DNMT3L: variants seen among roughly 807,000 people sequenced by gnomAD.
DNMT3L encodes the protein DNA methyltransferase 3 like.
DNMT3L carries 33 observed loss-of-function variants against 36.2 expected under a neutral mutation model. The observed-to-expected ratio is 0.91, with a 90% confidence interval of 0.69 to 1.22. DNMT3L has a LOEUF of 1.22. Ranked by LOEUF, DNMT3L falls within the 50% of genes most tolerant of loss-of-function variation. DNMT3L has a pLI of 0.00. For missense variants in DNMT3L, 310 were observed against 303.1 expected (o/e 1.02, Z -0.17); for synonymous variants, 117 against 121.7 (o/e 0.96, Z 0.26).
intron 1 of DNMT3L, 40 bp from the exon 2 acceptor site, chr21:44,261,306 C>G: frequency 1.3e-6 from 2 of 1,591,306 alleles, no homozygotes; most frequent in Non-Finnish European, 1.7e-6. Flanking sequence ...AGAAAGCCGT[C>G]AGCCCCTGCT....
chr21:44,260,902 C>T, intron 2 of DNMT3L, 63 bp from the exon 3 acceptor site: 1 of 1,610,414 alleles, frequency 6.2e-7, no homozygotes, highest in Non-Finnish European at 8.5e-7. Flanking sequence ...TTAAATTCGG[C>T]CAGGAAGTGA....
intron 6 of DNMT3L, among the ~76,000 whole-genome samples, chr21:44,256,593 T>C (rs2040261328): frequency 6.9e-6 from 1 of 144,260 alleles, no homozygotes; most frequent in Non-Finnish European, 1.5e-5. Flanking sequence ...CCCGGCTAAT[T>C]TTTGTATTTT....
chr21:44,257,805 C>G (rs955648486), intron 6 of DNMT3L, among the ~76,000 whole-genome samples: 5 of 152,220 alleles, frequency 3.3e-5, no homozygotes, highest in Non-Finnish European at 7.3e-5. Flanking sequence ...GAAGGTGTGC[C>G]GGCAGGCGTG....
intron 6 of DNMT3L, 90 bp from the exon 7 acceptor site, chr21:44,256,244 C>G (rs1370766009): frequency 7.4e-7 from 1 of 1,342,770 alleles, no homozygotes; most frequent in Non-Finnish European, 1.1e-6. Context: ...CCTGGATGAA[C>G]ACTCACTCGA....
intron 8 of DNMT3L, among the ~76,000 whole-genome samples, chr21:44,254,382 C>G (rs1186081646): frequency 6.6e-6 from 1 of 152,234 alleles, no homozygotes. Context: ...ACCACCAAAA[C>G]GTGCTGCTCA....
At position 44,258,603 on chromosome 21, in the gene DNMT3L, G is replaced by A; in HGVS notation, c.436C>T (p.Leu146=). The A allele has an allele frequency of 2.5e-6, 4 of 1,612,220 alleles. No individual in the cohort carries two copies. Among genetic ancestry groups the A allele is most frequent in the Middle Eastern group, 3.3e-4 (2 of 6,056 alleles). Residue 146 remains leucine, a synonymous_variant, in exon 6 of 12, where the codon CTG becomes TTG. Transcript: ENST00000628202. This position sits in a 1 kb window ranked among gnomAD's most constrained non-coding sequence, Gnocchi z 6.2. ...AMSNWVCYLC[L]PSSRSGLLQR... ...AGCAGCCCGCTTCGGGAGGACGGCA[G>A]GCACAGGTAGCACACCCAGTTGCTC... is the stretch of plus-strand genomic sequence containing the variant.
At chr21:44,255,466 G>A (rs924125430) in intron 7 of DNMT3L, among the ~76,000 whole-genome samples, 1 of 150,196 alleles carries the variant, frequency 6.7e-6, no homozygotes, top group African/African-American at 2.5e-5. Flanking sequence ...GGTGCAGCGA[G>A]CCGAGATCAA....
At chr21:44,259,031 G>C (rs1276679902) in intron 5 of DNMT3L, among the ~76,000 whole-genome samples, 3 of 152,120 alleles carry the variant, frequency 2.0e-5, no homozygotes, top group South Asian at 4.1e-4. Context: ...AGCTGGGGGA[G>C]AGAACTTGAG....
chr21:44,261,021 G>T (rs1350178717), intron 2 of DNMT3L, 133 bp downstream of exon 2: 41 of 1,364,526 alleles, frequency 3.0e-5, no homozygotes, highest in Non-Finnish European at 4.2e-5. Flanking sequence ...AAGACTGTGG[G>T]TGGGGAACCT....
At chr21:44,253,633 C>T (rs1489098974) in intron 8 of DNMT3L, among the ~76,000 whole-genome samples, 3 of 152,222 alleles carry the variant, frequency 2.0e-5, no homozygotes, top group South Asian at 4.1e-4. Flanking sequence ...GCAGGAGACT[C>T]GCCTGAACCC....
At position 44,261,155 on chromosome 21, in the gene DNMT3L, T is replaced by A; in HGVS notation, c.105A>T (p.Arg35Ser). The A allele has an allele frequency of 3.1e-6, 5 of 1,612,596 alleles. No individual in the cohort carries two copies. The highest frequency in any genetic ancestry group is 4.2e-6 in the Non-Finnish European group (5 of 1,179,838). The change falls in exon 2 of 12, where the codon AGA becomes AGT. Residue 35 changes from arginine to serine, a missense_variant and splice_region_variant. Coordinates refer to ENST00000628202, the MANE Select transcript of DNMT3L (RefSeq NM_175867.3). ...TCCAATAAGCAGATGAGCCCTCACC[T>A]CTGCCTGTCCCGGGTGAAACGGAGC... is the stretch of plus-strand genomic sequence containing the variant. The part of the protein sequence containing the change: ...LSSSVSPGTG[R>S]DLIAYEVKAN...
In DNMT3L at chr21:44,258,559, C is replaced by A. The variant is rs958990963; in HGVS notation, c.480G>T (p.Trp160Cys). The change falls in exon 6 of 12, where the codon TGG becomes TGT. Residue 160 changes from tryptophan (W) to cysteine (C), a missense_variant. Trp to Cys is a radical substitution (Grantham distance 215). Transcript: ENST00000628202. This position sits in a 1 kb window ranked among gnomAD's most constrained non-coding sequence, Gnocchi z 6.2. ...CGTAGAAGGCCTTGAGCTGGCTGCG[C>A]CACTTCCTCCGACGCTGCAGCAGCC... ...RSGLLQRRRK[W>C]RSQLKAFYDR... The A allele has an allele frequency of 1.4e-5, 23 of 1,598,666 alleles. No individual in the cohort carries two copies. The highest frequency in any genetic ancestry group is 1.9e-5 in the Non-Finnish European group (22 of 1,173,228).
Position 44,258,453 on chromosome 21 carries a change from CG to C in DNMT3L, c.516+69del. The C allele has an allele frequency of 6.8e-7, 1 of 1,472,066 alleles. No individual in the cohort carries two copies. Among genetic ancestry groups the C allele is most frequent in the South Asian group, 1.4e-5 (1 of 72,752 alleles). 91.2% of individuals were successfully genotyped at this position (1,472,066 alleles called of 1,614,324 possible). A position where few individuals can be genotyped will look rare whatever the true frequency, so the allele number is the denominator to read the frequency against. On this transcript the variant is annotated intron_variant, in intron 6 of 11. Transcript: ENST00000628202. The surrounding 1 kb of genome is among the most constrained non-coding windows in gnomAD (Gnocchi z 6.2). The stretch of plus-strand genomic sequence containing the variant: ...CCGTCGGCGCGCCTGCATTCTGCAG[CG>C]GGAACCGAGGGAAGGCCGTAAGTCA...
Position 44,258,330 on chromosome 21 carries a change from T to C in DNMT3L, c.516+193A>G, listed in dbSNP as rs1403512547. Among the ~76,000 whole-genome samples, 1 of 152,158 alleles carries C rather than the reference T, an allele frequency of 6.6e-6. No individual in the cohort carries two copies. Among genetic ancestry groups the C allele is most frequent in the Non-Finnish European group, 1.5e-5 (1 of 68,024 alleles). ...TTCCTAGGCTTGGAAGCAACAAAAC[T>C]GCCAAAGCAGTTTACCCAAAGCCAC... On this transcript the variant is annotated intron_variant, in intron 6 of 11. Transcript: ENST00000628202. This position sits in a 1 kb window ranked among gnomAD's most constrained non-coding sequence, Gnocchi z 6.2.
At chr21:44,255,300 C>T (rs1296512658) in intron 7 of DNMT3L, among the ~76,000 whole-genome samples, 2 of 151,966 alleles carry the variant, frequency 1.3e-5, no homozygotes, top group Non-Finnish European at 2.9e-5. Context: ...GCGGATGGAT[C>T]ACCTGAGGTC....
chr21:44,255,210 C>A (rs922299114), intron 7 of DNMT3L, among the ~76,000 whole-genome samples: 1 of 152,064 alleles, frequency 6.6e-6, no homozygotes, highest in African/African-American at 2.4e-5. Context: ...GCAAACATTG[C>A]CAAGTATTGA....
intron 3 of DNMT3L, among the ~76,000 whole-genome samples, chr21:44,260,048 C>CAAAAAA (rs765722839): frequency 5.4e-4 from 34 of 63,334 alleles, no homozygotes; most frequent in African/African-American, 9.7e-4. Context: ...GAGTGTGTCT[C>CAAAAAA]AAAAAAAAAA....
chr21:44,256,480 A>G (rs372304625), intron 6 of DNMT3L, among the ~76,000 whole-genome samples: 2 of 146,546 alleles, frequency 1.4e-5, no homozygotes, highest in Non-Finnish European at 1.5e-5. Flanking sequence ...CTGGAGTGCA[A>G]TGGTGCAATC....
chr21:44,257,725 A>T (rs1266567743), intron 6 of DNMT3L, among the ~76,000 whole-genome samples: 7 of 151,688 alleles, frequency 4.6e-5, no homozygotes, highest in Non-Finnish European at 1.0e-4. Flanking sequence ...AATAAATAAA[A>T]AACAGACCAG....
Sources: allele counts gnomAD v4.1 joint callset (sites outside exome capture counted in the v4.1 genomes callset), GRCh38; gene constraint gnomAD v4.1.1; non-coding constraint Gnocchi (gnomAD v3.1); transcripts MANE v1.5; gene names NCBI Gene and HGNC (gene_info 2026-07-23, HGNC 2026-07-21).